The following LRBA variants were observed in gnomAD, a reference collection of about 807,000 sequenced individuals.
The protein encoded by LRBA is LPS responsive beige-like anchor protein.
A neutral mutation model predicts 330.0 loss-of-function variants in LRBA; 176 were observed. The ratio of observed to expected loss-of-function variants is 0.53; its 90% confidence interval spans 0.47 to 0.60. LRBA has a LOEUF of 0.60. LRBA is among the 20% of genes least tolerant of loss of function. The pLI is 0.00. For missense variants in LRBA, 3,259 were observed against 3,444.8 expected (o/e 0.95, Z 1.35); for synonymous variants, 1,230 against 1,193.0 (o/e 1.03, Z -0.64).
intron 47 of LRBA, among the ~76,000 whole-genome samples, chr4:150,384,032 T>TA (rs1554013958): frequency 1.2e-4 from 18 of 151,718 alleles, no homozygotes; most frequent in African/African-American, 3.6e-4. Context: ...TATTTTTATT[T>TA]TTTATTTATT....
At chr4:150,968,046 C>T (rs1739106340) in intron 2 of LRBA, among the ~76,000 whole-genome samples, 1 of 150,312 alleles carries the variant, frequency 6.7e-6, no homozygotes, top group Non-Finnish European at 1.5e-5. Flanking sequence ...ACTCTGTCGC[C>T]CAGGCTGGAG....
At chr4:150,862,756 C>T (rs1752122092) in intron 22 of LRBA, among the ~76,000 whole-genome samples, 1 of 151,256 alleles carries the variant, frequency 6.6e-6, no homozygotes, top group African/African-American at 2.4e-5. Context: ...GTGGGTGGAT[C>T]CCCTGAGCTC....
At chr4:150,529,043 A>T (rs1763782186) in intron 40 of LRBA, among the ~76,000 whole-genome samples, 1 of 152,216 alleles carries the variant, frequency 6.6e-6, no homozygotes, top group Non-Finnish European at 1.5e-5. Flanking sequence ...ATTTTTCTCT[A>T]CATGAGATCA....
At position 150,703,687 on chromosome 4, in the gene LRBA, G is replaced by A. The variant is rs548645434; in HGVS notation, c.5755-19970C>T. Among the ~76,000 whole-genome samples, 3 of 152,126 alleles carry A rather than the reference G, an allele frequency of 2.0e-5. No homozygotes were observed. The East Asian group carries it at 5.8e-4, about 29-fold the overall frequency. On this transcript the variant is annotated intron_variant, in intron 36 of 56. Transcript: ENST00000651943. Reference sequence around the variant, plus strand: ...AAGGTAGTAAAGGTCAGCCTTTAACGATTTCTCCTACATGATTGTAATAAG... The same window carrying A: ...AAGGTAGTAAAGGTCAGCCTTTAACAATTTCTCCTACATGATTGTAATAAG...
intron 12 of LRBA, 142 bp downstream of exon 12, chr4:150,906,155 A>T: frequency 1.3e-6 from 1 of 789,326 alleles, no homozygotes; most frequent in Non-Finnish European, 2.1e-6. Context: ...AGGCAAGGTA[A>T]AACAACAAAA....
chr4:150,451,437 C>T (rs10471055), intron 44 of LRBA, among the ~76,000 whole-genome samples: 9,813 of 152,126 alleles, frequency 0.065, 508 homozygotes, highest in East Asian at 0.18. Context: ...GGTAACTAAA[C>T]AACATATTTC....
chr4:150,831,926 G>T lies in LRBA; in HGVS notation c.4620C>A (p.Ile1540=), dbSNP rs750460942. 19 of 1,595,878 alleles carry T rather than the reference G, an allele frequency of 1.2e-5. No homozygotes were observed. In the South Asian group the frequency reaches 2.1e-4, roughly 17 times the overall value. The part of the protein sequence containing the change: ...QFLALAVVYF[I]SVLMVSKYRD... ...TGTACTTGGAGACCATAAGAACAGAGATAAAGTATACTACTGCCAAGGCTA... is the reference window on the plus strand; with the variant it reads ...TGTACTTGGAGACCATAAGAACAGATATAAAGTATACTACTGCCAAGGCTA... The change falls in exon 29 of 57, where the codon ATC becomes ATA. Residue 1540 remains isoleucine, a synonymous_variant. Transcript: ENST00000651943.
intron 40 of LRBA, among the ~76,000 whole-genome samples, chr4:150,558,256 G>C (rs1022906522): frequency 2.0e-5 from 3 of 152,056 alleles, no homozygotes; most frequent in Non-Finnish European, 2.9e-5. Context: ...AGCAGGTGGG[G>C]AGTAATGGTC....
At chr4:150,904,073 T>C (rs190173759) in intron 13 of LRBA, among the ~76,000 whole-genome samples, 1 of 152,280 alleles carries the variant, frequency 6.6e-6, no homozygotes, top group Admixed American at 6.5e-5. Context: ...TAAATGGAAA[T>C]TATAAATCGC....
At chr4:150,994,437 G>T (rs879469875) in intron 2 of LRBA, among the ~76,000 whole-genome samples, 1 of 152,178 alleles carries the variant, frequency 6.6e-6, no homozygotes, top group Non-Finnish European at 1.5e-5. Context: ...CATCCAACAT[G>T]TATTTATTAA....
intron 37 of LRBA, among the ~76,000 whole-genome samples, chr4:150,654,698 C>A (rs994880451): frequency 6.6e-5 from 10 of 152,176 alleles, no homozygotes; most frequent in South Asian, 2.1e-4. Context: ...ACCCCCTCCC[C>A]CTACCCAACA....
intron 5 of LRBA, among the ~76,000 whole-genome samples, chr4:150,920,466 T>C (rs982483488): frequency 6.6e-6 from 1 of 152,074 alleles, no homozygotes; most frequent in African/African-American, 2.4e-5. Flanking sequence ...GAAGAATCGC[T>C]TGAAACCAGG....
chr4:150,856,770 C>T (rs1751271668), intron 22 of LRBA, among the ~76,000 whole-genome samples: 1 of 152,046 alleles, frequency 6.6e-6, no homozygotes, highest in Non-Finnish European at 1.5e-5. Context: ...CTAAATTACC[C>T]AGCTAAAAGA....
chr4:150,726,131 G>T lies in LRBA; in HGVS notation c.5754+9127C>A, dbSNP rs566337631. Among the ~76,000 whole-genome samples the T allele has an allele frequency of 3.9e-5, 6 of 152,276 alleles. No homozygotes were observed. The South Asian group carries it at 1.2e-3, about 32-fold the overall frequency. Reference sequence around the variant, plus strand: ...GAAAGCAAATAACAAAATGGCAGTAGTAAGTCTCTACTTATCAATAATAAC... The same window carrying T: ...GAAAGCAAATAACAAAATGGCAGTATTAAGTCTCTACTTATCAATAATAAC... On this transcript the variant is annotated intron_variant, in intron 36 of 56. Transcript: ENST00000651943.
chr4:150,859,646 G>A (rs1304057721), intron 22 of LRBA, among the ~76,000 whole-genome samples: 1 of 152,210 alleles, frequency 6.6e-6, no homozygotes, highest in Non-Finnish European at 1.5e-5. Context: ...GAGGCATATA[G>A]TGACAAACAG....
intron 47 of LRBA, among the ~76,000 whole-genome samples, chr4:150,398,753 T>C (rs930914689): frequency 2.6e-5 from 4 of 152,104 alleles, no homozygotes; most frequent in Admixed American, 2.6e-4. Context: ...CAGCCTCCCA[T>C]GTAGATGGAA....
chr4:150,613,553 G>A (rs1175643536), intron 37 of LRBA, among the ~76,000 whole-genome samples: 1 of 152,246 alleles, frequency 6.6e-6, no homozygotes, highest in Non-Finnish European at 1.5e-5. Flanking sequence ...AGGCTATAGA[G>A]GGCAGGGGCC....
intron 2 of LRBA, among the ~76,000 whole-genome samples, chr4:150,985,094 C>T (rs954784465): frequency 6.6e-6 from 1 of 152,000 alleles, no homozygotes; most frequent in Non-Finnish European, 1.5e-5. Flanking sequence ...CCCGTCTCTA[C>T]TAAAAATACA....
At chr4:150,405,888 C>G (rs1028046654) in intron 47 of LRBA, among the ~76,000 whole-genome samples, 3 of 116,540 alleles carry the variant, frequency 2.6e-5, no homozygotes, top group Non-Finnish European at 5.7e-5. Flanking sequence ...GACCTCATCT[C>G]TATGAAAAAT....
Sources: gnomAD v4.1 joint callset for allele counts (sites outside exome capture counted in the v4.1 genomes callset) on GRCh38, gnomAD v4.1.1 for gene constraint, MANE v1.5 for transcripts, NCBI Gene and HGNC (gene_info 2026-07-23, HGNC 2026-07-21) for gene names.